The following MAPK14 variants were observed in gnomAD, a reference collection of about 807,000 sequenced individuals.
MAPK14 encodes the protein mitogen-activated protein kinase 14.
Under a neutral mutation model 49.6 loss-of-function variants are expected in MAPK14, and 16 were observed. That is an observed-to-expected ratio of 0.32 (90% CI 0.22 to 0.49). MAPK14 has a LOEUF of 0.49. Among genes scored for constraint, MAPK14 ranks in the 20% least tolerant of loss-of-function variants. The pLI, the probability that MAPK14 is intolerant of heterozygous loss-of-function variation, is 0.99. For synonymous variants in MAPK14, 142 were observed against 158.0 expected (o/e 0.90, Z 0.76); for missense variants, 200 against 441.2 (o/e 0.45, Z 4.90).
At chr6:36,038,619 G>A (rs1762840222) in intron 1 of MAPK14, among the ~76,000 whole-genome samples, 1 of 152,130 alleles carries the variant, frequency 6.6e-6, no homozygotes, top group South Asian at 2.1e-4. Flanking sequence ...GGATAGAACG[G>A]TGGAGTTAGA....
intron 8 of MAPK14, among the ~76,000 whole-genome samples, chr6:36,088,652 G>A (rs1765088829): frequency 6.6e-6 from 1 of 151,122 alleles, no homozygotes; most frequent in Admixed American, 6.6e-5. Flanking sequence ...AACCCAGGAG[G>A]CGGAGCTGGC....
chr6:36,041,809 A>G (rs1762970728), intron 1 of MAPK14, among the ~76,000 whole-genome samples: 1 of 152,230 alleles, frequency 6.6e-6, no homozygotes, highest in Non-Finnish European at 1.5e-5. Context: ...ACTGTAGTGA[A>G]GGAAATTTGC....
intron 7 of MAPK14, among the ~76,000 whole-genome samples, chr6:36,076,168 A>G (rs561708967): frequency 6.6e-6 from 1 of 152,176 alleles, no homozygotes; most frequent in Admixed American, 6.5e-5. Context: ...TGATTTAGCA[A>G]TTGGGTTTTT....
chr6:36,087,879 CA>C (rs1404726200), intron 8 of MAPK14, among the ~76,000 whole-genome samples: 2 of 152,174 alleles, frequency 1.3e-5, no homozygotes, highest in African/African-American at 4.8e-5. Context: ...TACCTGACTT[CA>C]AACTATACTA....
chr6:36,108,148 G>C (rs749105966), intron 11 of MAPK14, among the ~76,000 whole-genome samples: 1 of 152,174 alleles, frequency 6.6e-6, no homozygotes, highest in Non-Finnish European at 1.5e-5. Flanking sequence ...GAGCTTAAAA[G>C]AAGAGGCACT....
the MAPK14 span, among the ~76,000 whole-genome samples, chr6:36,120,200 G>A: frequency 1.1e-4 from 17 of 152,296 alleles, no homozygotes; most frequent in East Asian, 2.7e-3. Flanking sequence ...GGTTAAATAC[G>A]TTAACCAATG....
Position 36,028,812 on chromosome 6 carries a change from T to TC in MAPK14, c.116+540dup, listed in dbSNP as rs1471155214. On this transcript the variant is annotated intron_variant, in intron 1 of 11. Coordinates refer to ENST00000229794, the MANE Select transcript of MAPK14 (RefSeq NM_139012.3). This position sits in a 1 kb window ranked among gnomAD's most constrained non-coding sequence, Gnocchi z 5.1. The stretch of plus-strand genomic sequence containing the variant: ...GGGCCTTTTTTTTTTTTTTTTTTTT[T>TC]CAAAACTCTGTCGAAATCCCATCTT... 1.3e-5 allele frequency among the ~76,000 whole-genome samples: 2 copies of TC among 148,386 alleles called. No homozygotes were observed. Among genetic ancestry groups the TC allele is most frequent in the East Asian group, 2.0e-4 (1 of 5,098 alleles).
At chr6:36,113,591 T>C (rs1383308404), downstream of MAPK14, among the ~76,000 whole-genome samples, 2 of 152,170 alleles carry the variant, frequency 1.3e-5, no homozygotes, top group Non-Finnish European at 2.9e-5. Flanking sequence ...TTTTTGTTGA[T>C]AGGTAATGCC....
At chr6:36,097,417 A>G (rs1163933652) in intron 9 of MAPK14, 4 of 152,190 alleles carry the variant, frequency 2.6e-5, no homozygotes, top group Non-Finnish European at 5.9e-5. Flanking sequence ...CTCCTTTATG[A>G]TATGTAGAAG....
chr6:36,096,233 G>T (rs1429112901), intron 9 of MAPK14, 167 bp downstream of exon 9: 4 of 557,254 alleles, frequency 7.2e-6, no homozygotes, highest in Non-Finnish European at 1.3e-5. Flanking sequence ...GTGCGTGCAC[G>T]CATGTGTGCC....
chr6:36,117,926 T>C, the MAPK14 span, among the ~76,000 whole-genome samples: 3 of 152,228 alleles, frequency 2.0e-5, no homozygotes, highest in Non-Finnish European at 4.4e-5. Context: ...TTGCTTCCTG[T>C]TTTTACAATC....
chr6:36,120,089 G>A, the MAPK14 span, among the ~76,000 whole-genome samples: 2 of 152,152 alleles, frequency 1.3e-5, no homozygotes, highest in African/African-American at 4.8e-5. Context: ...CTGACACTGT[G>A]TAACCTCCGC....
chr6:36,089,942 G>T (rs1413083872), intron 8 of MAPK14, among the ~76,000 whole-genome samples: 1 of 152,188 alleles, frequency 6.6e-6, no homozygotes, highest in Admixed American at 6.5e-5. Flanking sequence ...AGAGATCACA[G>T]CCTTGGCTTG....
intron 9 of MAPK14, 52 bp from the exon 10 acceptor site, chr6:36,102,519 A>G (rs1385923721): frequency 7.5e-7 from 1 of 1,333,476 alleles, no homozygotes; most frequent in Non-Finnish European, 1.1e-6. Flanking sequence ...TCTTTCTTTG[A>G]GAGCAGTAAC....
At chr6:36,068,314 A>G (rs988090333) in intron 3 of MAPK14, among the ~76,000 whole-genome samples, 1 of 152,194 alleles carries the variant, frequency 6.6e-6, no homozygotes, top group Non-Finnish European at 1.5e-5. Flanking sequence ...AGACATAATT[A>G]GGGGCAGTGT....
At chr6:36,122,575 C>G in the MAPK14 span, among the ~76,000 whole-genome samples, 1 of 152,186 alleles carries the variant, frequency 6.6e-6, no homozygotes, top group Admixed American at 6.5e-5. Context: ...TCGCCAACCT[C>G]AAGACATTCT....
At position 36,073,734 on chromosome 6, in the gene MAPK14, C is replaced by T. The variant is rs1353255381; in HGVS notation, c.447+14C>T. The T allele has an allele frequency of 6.2e-7, 1 of 1,610,038 alleles. No individual in the cohort carries two copies. Among genetic ancestry groups the T allele is most frequent in the African/African-American group, 1.3e-5 (1 of 74,746 alleles). On this transcript the variant is annotated intron_variant, in intron 5 of 11. Transcript: ENST00000229794. ...ATAATTCACAGGGTATGTATTGTGA[C>T]TTTGATTACATTATTTTGGGGAAGT...
At chr6:36,066,356 G>A (rs1581778649) in intron 3 of MAPK14, among the ~76,000 whole-genome samples, 2 of 151,814 alleles carry the variant, frequency 1.3e-5, no homozygotes, top group Non-Finnish European at 2.9e-5. Flanking sequence ...TTCTATGTAA[G>A]ATGCCAAAAC....
At chr6:36,119,220 A>G in the MAPK14 span, among the ~76,000 whole-genome samples, 1 of 152,204 alleles carries the variant, frequency 6.6e-6, no homozygotes, top group Non-Finnish European at 1.5e-5. Context: ...CTTCAGCCAC[A>G]ATCATTTCCA....
Sources: gnomAD v4.1 joint callset for allele counts (sites outside exome capture counted in the v4.1 genomes callset) on GRCh38, gnomAD v4.1.1 for gene constraint, Gnocchi (gnomAD v3.1) non-coding constraint, MANE v1.5 for transcripts, NCBI Gene and HGNC (gene_info 2026-07-23, HGNC 2026-07-21) for gene names.